SGPP2: variants seen among roughly 807,000 people sequenced by gnomAD.
SGPP2 encodes sphingosine 1-phosphate phosphohydrolase 2.
A neutral mutation model predicts 33.9 loss-of-function variants in SGPP2; 30 were observed. The observed-to-expected ratio is 0.89, with a 90% confidence interval of 0.66 to 1.20. The LOEUF is 1.20. Ranked by LOEUF, SGPP2 falls within the 50% of genes most tolerant of loss-of-function variation. The probability of loss-of-function intolerance (pLI) is 0.00; values close to 1 mark genes in which losing one functional copy is unlikely to be tolerated. For synonymous variants in SGPP2, 233 were observed against 225.0 expected (o/e 1.04, Z -0.32); for missense variants, 458 against 532.1 (o/e 0.86, Z 1.37).
chr2:222,495,683 A>G (rs1698268983), intron 2 of SGPP2, among the ~76,000 whole-genome samples: 1 of 152,134 alleles, frequency 6.6e-6, no homozygotes, highest in African/African-American at 2.4e-5. Flanking sequence ...CTCAGATAAG[A>G]CCCACAGATG....
At chr2:222,513,401 A>G (rs1269017417) in intron 2 of SGPP2, among the ~76,000 whole-genome samples, 1 of 152,222 alleles carries the variant, frequency 6.6e-6, no homozygotes, top group Non-Finnish European at 1.5e-5. Flanking sequence ...CTGTGCGGGA[A>G]AAATGATCTC....
intron 1 of SGPP2, among the ~76,000 whole-genome samples, chr2:222,461,573 G>A (rs1559150140): frequency 6.6e-6 from 1 of 151,876 alleles, no homozygotes; most frequent in Non-Finnish European, 1.5e-5. Context: ...ATCAGTGGGA[G>A]CCCTAAGCTT....
chr2:222,500,924 A>C (rs1419758612), intron 2 of SGPP2, among the ~76,000 whole-genome samples: 1 of 152,236 alleles, frequency 6.6e-6, no homozygotes, highest in East Asian at 1.9e-4. Flanking sequence ...AGGAAATAGA[A>C]CCAGCAATAT....
chr2:222,487,135 C>CTCATGAG (rs1698123822), intron 2 of SGPP2, among the ~76,000 whole-genome samples: 1 of 152,222 alleles, frequency 6.6e-6, no homozygotes, highest in East Asian at 1.9e-4. Flanking sequence ...TTGGAGAAGA[C>CTCATGAG]TCATGAGTCT....
intron 2 of SGPP2, among the ~76,000 whole-genome samples, chr2:222,515,196 A>G (rs114726870): frequency 2.6e-5 from 4 of 152,306 alleles, no homozygotes; most frequent in African/African-American, 9.6e-5. Flanking sequence ...GCCATCAGAC[A>G]TGCAGATCAG....
intron 3 of SGPP2, among the ~76,000 whole-genome samples, chr2:222,522,167 A>G (rs1203905653): frequency 2.0e-5 from 3 of 152,272 alleles, no homozygotes; most frequent in African/African-American, 4.8e-5. Context: ...GAACATCAGC[A>G]CCATATTAAT....
Position 222,424,702 on chromosome 2 carries a change from A to G in SGPP2, c.100A>G (p.Asn34Asp). 6.9e-7 allele frequency: 1 copy of G among 1,450,306 alleles called. No homozygotes were observed. The highest frequency in any genetic ancestry group is 9.1e-7 in the Non-Finnish European group (1 of 1,103,488). 89.8% of individuals were successfully genotyped at this position (1,450,306 alleles called of 1,614,324 possible). A position where few individuals can be genotyped will look rare whatever the true frequency, so the allele number is the denominator to read the frequency against. ...CGCTCCGGATGAAGGCCCCCGGGAG[A>G]ACGGCGCGGACCCCACGGAGCGCGC... ...FPAPDEGPRE[N>D]GADPTERAAR... is the part of the protein sequence containing the mutation. The change falls in exon 1 of 5, where the codon AAC becomes GAC. Residue 34 changes from asparagine to aspartate, a missense_variant. Asn to Asp is a conservative substitution (Grantham distance 23). Coordinates refer to ENST00000321276, the MANE Select transcript of SGPP2 (RefSeq NM_152386.4).
At chr2:222,447,604 A>G (rs950397102) in intron 1 of SGPP2, among the ~76,000 whole-genome samples, 2 of 152,240 alleles carry the variant, frequency 1.3e-5, no homozygotes, top group Non-Finnish European at 2.9e-5. Context: ...CTAATCAGAC[A>G]CAAGTTAAAT....
chr2:222,459,142 CTTTTTT>C (rs1164145783), intron 1 of SGPP2, among the ~76,000 whole-genome samples: 2 of 94,460 alleles, frequency 2.1e-5, no homozygotes, highest in African/African-American at 7.6e-5. Flanking sequence ...TTCTTTCTTT[CTTTTTT>C]TTTTTTTTTT....
intron 4 of SGPP2, among the ~76,000 whole-genome samples, chr2:222,534,002 C>CATACAGGA (rs2106143433): frequency 6.6e-6 from 1 of 152,246 alleles, no homozygotes; most frequent in South Asian, 2.1e-4. Flanking sequence ...TTGGGATTGG[C>CATACAGGA]ATACAGGAGG....
intron 1 of SGPP2, among the ~76,000 whole-genome samples, chr2:222,445,939 T>A (rs1697392320): frequency 6.6e-6 from 1 of 151,706 alleles, no homozygotes; most frequent in African/African-American, 2.4e-5. Context: ...GTCAGAAGAG[T>A]TGGAGAGAAC....
chr2:222,548,418 C>T (rs898669446), intron 4 of SGPP2, among the ~76,000 whole-genome samples: 2 of 152,232 alleles, frequency 1.3e-5, no homozygotes, highest in East Asian at 3.8e-4. Flanking sequence ...CTTTTTTCTA[C>T]CTCATGTAGT....
chr2:222,492,859 G>A (rs943625249), intron 2 of SGPP2, among the ~76,000 whole-genome samples: 3 of 152,202 alleles, frequency 2.0e-5, no homozygotes, highest in Admixed American at 6.5e-5. Flanking sequence ...CAAAATGCCA[G>A]CAGTCTCTTT....
chr2:222,559,120 G>A lies in SGPP2; in HGVS notation c.*222G>A, dbSNP rs1689477832. Reference sequence around the variant, plus strand: ...GTTGGTTGTGCTACAGTTGAACCCAGGCTAAAGACCATAATCCGGATCTTT... The same window carrying A: ...GTTGGTTGTGCTACAGTTGAACCCAAGCTAAAGACCATAATCCGGATCTTT... On this transcript the variant is annotated 3_prime_UTR_variant, in exon 5 of 5. Coordinates refer to ENST00000321276, the MANE Select transcript of SGPP2 (RefSeq NM_152386.4). The A allele has an allele frequency of 2.5e-6, 1 of 407,126 alleles. No homozygotes were observed. Among genetic ancestry groups the A allele is most frequent in the Non-Finnish European group, 4.4e-6 (1 of 225,328 alleles). The allele number at this position is 407,126 out of a possible 1,614,324, so 25.2% of individuals were successfully genotyped here.
intron 1 of SGPP2, among the ~76,000 whole-genome samples, chr2:222,473,611 G>C (rs1697881836): frequency 6.6e-6 from 1 of 152,150 alleles, no homozygotes; most frequent in African/African-American, 2.4e-5. Flanking sequence ...TAGCACAGTA[G>C]GGTGACTACA....
chr2:222,553,564 C>A (rs959486139), intron 4 of SGPP2, among the ~76,000 whole-genome samples: 2 of 152,198 alleles, frequency 1.3e-5, no homozygotes, highest in Non-Finnish European at 2.9e-5. Context: ...TACCCTGAAT[C>A]TGCATTTTAA....
upstream of SGPP2, among the ~76,000 whole-genome samples, chr2:222,424,198 T>A (rs1314651749): frequency 7.9e-6 from 1 of 127,250 alleles, no homozygotes; most frequent in African/African-American, 3.0e-5. Context: ...GATGGGCTAA[T>A]GGGAGCGGCC....
intron 1 of SGPP2, among the ~76,000 whole-genome samples, chr2:222,447,669 C>T (rs1697418168): frequency 2.6e-5 from 4 of 152,170 alleles, no homozygotes; most frequent in Admixed American, 2.6e-4. Context: ...AAGAACTATG[C>T]TTTACTGCAT....
At chr2:222,426,764 A>G (rs1697077336) in intron 1 of SGPP2, among the ~76,000 whole-genome samples, 1 of 152,240 alleles carries the variant, frequency 6.6e-6, no homozygotes, top group African/African-American at 2.4e-5. Context: ...TTGGTTTCAA[A>G]TGACTTGGGA....
Sources: gnomAD v4.1 joint callset for allele counts (sites outside exome capture counted in the v4.1 genomes callset) on GRCh38, gnomAD v4.1.1 for gene constraint, MANE v1.5 for transcripts, NCBI Gene and HGNC (gene_info 2026-07-23, HGNC 2026-07-21) for gene names.